MCM9: variants seen among roughly 807,000 people sequenced by gnomAD.
MCM9 encodes DNA helicase MCM9.
A neutral mutation model predicts 72.8 loss-of-function variants in MCM9; 55 were observed. That is an observed-to-expected ratio of 0.76 (90% CI 0.61 to 0.95). MCM9 has a LOEUF of 0.95. Ranked by LOEUF, MCM9 falls within the 40% of genes least tolerant of loss-of-function variation. The pLI, the probability that MCM9 is intolerant of heterozygous loss-of-function variation, is 0.00. For synonymous variants in MCM9, 480 were observed against 503.4 expected, an observed-to-expected ratio of 0.95 and a Z score of 0.62; for missense variants, 1,279 against 1,377.0, an observed-to-expected ratio of 0.93 and a Z score of 1.13.
chr6:118,839,837 G>T (rs1256169781), intron 9 of MCM9, among the ~76,000 whole-genome samples: 1 of 152,150 alleles, frequency 6.6e-6, no homozygotes, highest in Non-Finnish European at 1.5e-5. Context: ...AACCAGAGCT[G>T]TCCTGTATGA....
At position 118,828,056 on chromosome 6, in the gene MCM9, G is replaced by A. The variant is rs1300838307; in HGVS notation, c.1603C>T (p.Gln535Ter). Residue 535 changes from glutamine to a stop codon, truncating the protein, a stop_gained, in exon 11 of 14, where the codon CAG becomes TAG. Coordinates refer to ENST00000619706, the MANE Select transcript of MCM9 (RefSeq NM_017696.3). LOFTEE classifies it high-confidence loss of function. The stretch of plus-strand genomic sequence containing the variant: ...TTGCCCACATCAGACAGTGTGGGCT[G>A]CAGATTCCTTATGAGGCAGAAATAG... ...KTYFCLIRNL[Q>*]PTLSDVGNQV... The A allele has an allele frequency of 1.9e-6, 3 of 1,550,770 alleles. No individual in the cohort carries two copies. The highest frequency in any genetic ancestry group is 2.6e-6 in the Non-Finnish European group (3 of 1,147,032).
At chr6:118,900,914 A>AT in intron 8 of MCM9, 1 of 1,417,680 alleles carries the variant, frequency 7.1e-7, no homozygotes, top group Non-Finnish European at 1.0e-6. Context: ...TGTATGCCAA[A>AT]TATGTTTCGA....
rs542746321 is a variant in MCM9, at chr6:118,898,855, C to T, written c.1150+12795G>A. ...CACTTGTTTTGTAACTTAATTTGTC[C>T]TCTTATCTTTGGAGGGCTCAAATCT... On this transcript the variant is annotated intron_variant, in intron 8 of 13. Coordinates refer to ENST00000619706, the MANE Select transcript of MCM9 (RefSeq NM_017696.3). Among the ~76,000 whole-genome samples, 8 of 152,254 alleles carry T rather than the reference C, an allele frequency of 5.3e-5. No homozygotes were observed. The East Asian group carries it at 1.5e-3, about 29-fold the overall frequency.
chr6:118,928,942 G>A (rs11753713), intron 3 of MCM9, among the ~76,000 whole-genome samples: 29,219 of 151,650 alleles, frequency 0.19, 3,399 homozygotes, highest in Non-Finnish European at 0.27. Context: ...AATTCTGGCC[G>A]GGCACCATGG....
At chr6:118,903,440 A>C (rs1043497647) in intron 8 of MCM9, among the ~76,000 whole-genome samples, 4 of 152,172 alleles carry the variant, frequency 2.6e-5, no homozygotes, top group Non-Finnish European at 5.9e-5. Flanking sequence ...GAGCTGAGCC[A>C]CACGAGATTA....
intron 13 of MCM9, among the ~76,000 whole-genome samples, chr6:118,820,675 C>T (rs1014147454): frequency 1.3e-5 from 2 of 152,046 alleles, no homozygotes; most frequent in African/African-American, 4.8e-5. Flanking sequence ...CCTGAATATC[C>T]TTGTAAATTT....
At chr6:118,894,894 G>A (rs1224648703) in intron 8 of MCM9, among the ~76,000 whole-genome samples, 20 of 152,186 alleles carry the variant, frequency 1.3e-4, no homozygotes, top group Admixed American at 1.2e-3. Flanking sequence ...GCCCGAGCAC[G>A]GAGGCTGGGA....
chr6:118,833,969 T>A (rs954920494), intron 9 of MCM9, among the ~76,000 whole-genome samples: 1 of 152,312 alleles, frequency 6.6e-6, no homozygotes, highest in African/African-American at 2.4e-5. Flanking sequence ...GGTGGTGTGC[T>A]GCACCCATCA....
chr6:118,820,691 C>T (rs1281118680), intron 13 of MCM9, among the ~76,000 whole-genome samples: 1 of 152,108 alleles, frequency 6.6e-6, no homozygotes, highest in Non-Finnish European at 1.5e-5. Flanking sequence ...AATTTTCTGC[C>T]TCATGGATCT....
chr6:118,851,967 T>C (rs1776252561), intron 9 of MCM9, among the ~76,000 whole-genome samples: 2 of 152,194 alleles, frequency 1.3e-5, no homozygotes, highest in Admixed American at 6.5e-5. Context: ...CAAGAGGCTA[T>C]GTTCTGAGCA....
At chr6:118,896,045 T>C (rs59774297) in intron 8 of MCM9, among the ~76,000 whole-genome samples, 4 of 148,324 alleles carry the variant, frequency 2.7e-5, no homozygotes, top group African/African-American at 7.9e-5. Context: ...GCCCCCGTTT[T>C]TTTTTTTTTT....
Position 118,913,136 on chromosome 6 carries a change from C to T in MCM9, c.1030+159G>A, listed in dbSNP as rs572403526. ...ACTCTAGAAAGTAGCTTCTGATATA[C>T]AGATGCTAGACTAAGTATAAGATAT... On this transcript the variant is annotated intron_variant, in intron 7 of 13. Transcript: ENST00000619706. 4.4e-5 allele frequency: 34 copies of T among 772,550 alleles called. No homozygotes were observed. The African/African-American group carries it at 5.8e-4, about 13-fold the overall frequency. The allele number at this position is 772,550 out of a possible 1,614,324, so 47.9% of individuals were successfully genotyped here. A position where few individuals can be genotyped will look rare whatever the true frequency, so the allele number is the denominator to read the frequency against.
At chr6:118,915,549 A>G (rs1780873946) in intron 6 of MCM9, among the ~76,000 whole-genome samples, 1 of 152,220 alleles carries the variant, frequency 6.6e-6, no homozygotes, top group South Asian at 2.1e-4. Flanking sequence ...CATCCTAGCC[A>G]GTACCCACAG....
chr6:118,924,124 A>G lies in MCM9; in HGVS notation c.308T>C (p.Leu103Ser). The G allele has an allele frequency of 1.2e-6, 2 of 1,610,280 alleles. No individual in the cohort carries two copies. Among genetic ancestry groups the G allele is most frequent in the Non-Finnish European group, 8.5e-7 (1 of 1,177,278 alleles). ...CCTCACCAGCTCAGGACAGACAGGC[A>G]AACCTGATGGAGAAAACAAAAAAAC... The part of the protein sequence containing the change: ...KQNLHARISG[L>S]PVCPELVREH... Residue 103 changes from leucine (L) to serine (S), a missense_variant, in exon 4 of 14, where the codon TTG becomes TCG. Physicochemically the swap from Leu to Ser is moderately radical, Grantham distance 145. Coordinates refer to ENST00000619706, the MANE Select transcript of MCM9 (RefSeq NM_017696.3).
intron 8 of MCM9, chr6:118,894,494 C>T (rs1779204368): frequency 6.5e-7 from 1 of 1,537,068 alleles, no homozygotes; most frequent in South Asian, 1.2e-5. Context: ...TCGAGATCAC[C>T]TTCGAGTGCA....
At chr6:118,922,942 G>T (rs1781550998) in intron 4 of MCM9, among the ~76,000 whole-genome samples, 1 of 140,172 alleles carries the variant, frequency 7.1e-6, no homozygotes, top group South Asian at 2.3e-4. Flanking sequence ...TAAGACAGGA[G>T]AAATGCTTGA....
intron 9 of MCM9, among the ~76,000 whole-genome samples, chr6:118,837,253 T>G (rs150843645): frequency 4.3e-4 from 66 of 152,352 alleles, no homozygotes; most frequent in African/African-American, 1.5e-3. Context: ...TTTCACTCTT[T>G]TGCATTTGCT....
intron 3 of MCM9, among the ~76,000 whole-genome samples, chr6:118,928,100 A>C (rs950717313): frequency 6.6e-6 from 1 of 152,172 alleles, no homozygotes; most frequent in Non-Finnish European, 1.5e-5. Flanking sequence ...CACACTAAGA[A>C]GCAATGCAGT....
chr6:118,831,958 C>G (rs1418540831), intron 9 of MCM9, among the ~76,000 whole-genome samples: 1 of 152,174 alleles, frequency 6.6e-6, no homozygotes, highest in Non-Finnish European at 1.5e-5. Flanking sequence ...CTGAGAGGAG[C>G]AGAGCTGAGA....
Sources: allele counts gnomAD v4.1 joint callset (sites outside exome capture counted in the v4.1 genomes callset), GRCh38; gene constraint gnomAD v4.1.1; transcripts MANE v1.5; gene names NCBI Gene and HGNC (gene_info 2026-07-23, HGNC 2026-07-21).